The following SYT1 variants were observed in gnomAD, a reference collection of about 807,000 sequenced individuals.
SYT1 encodes the protein synaptotagmin 1.
SYT1 carries 8 observed loss-of-function variants against 44.8 expected under a neutral mutation model. That is an observed-to-expected ratio of 0.18 (90% CI 0.10 to 0.32). SYT1 has a LOEUF of 0.32. Among genes scored for constraint, SYT1 ranks in the 10% least tolerant of loss-of-function variants. SYT1 has a pLI of 1.00. For missense variants in SYT1, 286 were observed against 509.3 expected, an observed-to-expected ratio of 0.56 and a Z score of 4.22; for synonymous variants, 154 against 188.8, an observed-to-expected ratio of 0.82 and a Z score of 1.51.
chr12:79,051,590 T>A (rs1204595888), intron 3 of SYT1, among the ~76,000 whole-genome samples: 1 of 151,538 alleles, frequency 6.6e-6, no homozygotes, highest in Non-Finnish European at 1.5e-5. Flanking sequence ...AACTAGATAA[T>A]AATAATATGT....
intron 3 of SYT1, among the ~76,000 whole-genome samples, chr12:79,079,639 T>C (rs1369003637): frequency 6.6e-6 from 1 of 152,116 alleles, no homozygotes; most frequent in African/African-American, 2.4e-5. Flanking sequence ...TTTTCTTTCA[T>C]TGTAGCAATG....
At chr12:78,945,950 TATCC>T (rs747439803) in intron 1 of SYT1, among the ~76,000 whole-genome samples, 44 of 152,246 alleles carry the variant, frequency 2.9e-4, no homozygotes, top group Admixed American at 6.5e-4. Context: ...TAGTTCAAAA[TATCC>T]AGTTTCCTCT....
At chr12:79,204,959 CTT>C (rs35259216) in intron 3 of SYT1, among the ~76,000 whole-genome samples, 2 of 2,220 alleles carry the variant, frequency 9.0e-4, no homozygotes, top group East Asian at 0.022. Flanking sequence ...CCTGTTGTAA[CTT>C]TTTTTTTTTT....
chr12:79,447,879 A>G (rs1433783590), intron 10 of SYT1, among the ~76,000 whole-genome samples: 5 of 152,164 alleles, frequency 3.3e-5, no homozygotes, highest in African/African-American at 7.2e-5. Flanking sequence ...TATAAAGTCC[A>G]CTAAAGGGCC....
chr12:79,059,046 G>A (rs1875175762), intron 3 of SYT1, among the ~76,000 whole-genome samples: 1 of 151,956 alleles, frequency 6.6e-6, no homozygotes, highest in Non-Finnish European at 1.5e-5. Context: ...CACATAGCTG[G>A]GGAGGCCTCA....
intron 2 of SYT1, among the ~76,000 whole-genome samples, chr12:79,043,516 G>A (rs1873753983): frequency 6.6e-6 from 1 of 150,476 alleles, no homozygotes; most frequent in Non-Finnish European, 1.5e-5. Flanking sequence ...GAGCCTATGT[G>A]TGTCTCTGCA....
At chr12:79,017,325 T>G (rs1015851651) in intron 2 of SYT1, among the ~76,000 whole-genome samples, 9 of 152,148 alleles carry the variant, frequency 5.9e-5, no homozygotes, top group African/African-American at 2.2e-4. Context: ...TAATTAATCA[T>G]AGTCTTTGTC....
intron 2 of SYT1, among the ~76,000 whole-genome samples, chr12:79,015,130 G>A (rs1871718979): frequency 6.6e-6 from 1 of 151,838 alleles, no homozygotes; most frequent in African/African-American, 2.4e-5. Context: ...GTTAATGGGT[G>A]CAGCACACCA....
intron 1 of SYT1, chr12:78,955,658 T>C (rs1879171566): frequency 6.6e-6 from 1 of 152,124 alleles, no homozygotes; most frequent in Non-Finnish European, 1.5e-5. Context: ...ATGCCATTTT[T>C]GGAGACACAA....
intron 4 of SYT1, among the ~76,000 whole-genome samples, chr12:79,260,695 T>C (rs996950792): frequency 1.3e-5 from 2 of 152,220 alleles, no homozygotes; most frequent in African/African-American, 2.4e-5. Context: ...CCCCATCCAG[T>C]AATAAAAATC....
chr12:79,368,768 G>A, intron 9 of SYT1, among the ~76,000 whole-genome samples: 1 of 95,534 alleles, frequency 1.0e-5, no homozygotes, highest in South Asian at 3.5e-4. Flanking sequence ...TTGTAAATTT[G>A]TTTGAGTTCA....
rs948180493 is a variant in SYT1, at chr12:79,450,262, C to T, written c.*1138C>T. 26 of 152,626 alleles carry T rather than the reference C, an allele frequency of 1.7e-4. No individual in the cohort carries two copies. The highest frequency in any genetic ancestry group is 6.3e-4 in the African/African-American group (26 of 41,550). The allele number at this position is 152,626 out of a possible 1,614,324, so 9.5% of individuals were successfully genotyped here. A position where few individuals can be genotyped will look rare whatever the true frequency, so the allele number is the denominator to read the frequency against. On this transcript the variant is annotated 3_prime_UTR_variant, in exon 11 of 11. Coordinates refer to ENST00000261205, the MANE Select transcript of SYT1 (RefSeq NM_005639.3). ...TGTGGTAAACAGACAGTATTGTAAT[C>T]CCATCAAAAGATGAAAGAAAAACAA...
At chr12:79,041,938 C>T (rs1356075744) in intron 2 of SYT1, among the ~76,000 whole-genome samples, 1 of 152,058 alleles carries the variant, frequency 6.6e-6, no homozygotes, top group Non-Finnish European at 1.5e-5. Flanking sequence ...TATTGATTTG[C>T]ATATATTGAA....
intron 1 of SYT1, among the ~76,000 whole-genome samples, chr12:78,906,629 C>A (rs899834844): frequency 3.3e-5 from 5 of 152,062 alleles, no homozygotes; most frequent in Non-Finnish European, 7.4e-5. Flanking sequence ...GAAGTCCTGG[C>A]CTCTTGTGGA....
chr12:78,880,653 T>C (rs1443498642), intron 1 of SYT1, among the ~76,000 whole-genome samples: 2 of 151,522 alleles, frequency 1.3e-5, no homozygotes, highest in Non-Finnish European at 3.0e-5. Context: ...TCTCATCCAA[T>C]GAAAAAAATA....
chr12:79,415,243 T>C (rs1204385020), intron 9 of SYT1, among the ~76,000 whole-genome samples: 1 of 152,176 alleles, frequency 6.6e-6, no homozygotes, highest in East Asian at 1.9e-4. Flanking sequence ...AAGTGTTGCA[T>C]GTGCATCCTT....
intron 9 of SYT1, among the ~76,000 whole-genome samples, chr12:79,428,573 G>A (rs1869585169): frequency 6.6e-6 from 1 of 152,166 alleles, no homozygotes; most frequent in East Asian, 1.9e-4. Context: ...ATGTATATGT[G>A]AAACTTCTTG....
chr12:79,347,171 G>T (rs1157669032), intron 8 of SYT1, among the ~76,000 whole-genome samples: 1 of 151,706 alleles, frequency 6.6e-6, no homozygotes, highest in Admixed American at 6.6e-5. Context: ...AAGGAATATA[G>T]CTCACAGAGA....
At position 79,355,625 on chromosome 12, in the gene SYT1, A is replaced by T. The variant is rs551918523; in HGVS notation, c.928+2006A>T. On this transcript the variant is annotated intron_variant, in intron 9 of 10. Coordinates refer to ENST00000261205, the MANE Select transcript of SYT1 (RefSeq NM_005639.3). ...ATATGTCCAGCCTATGTCATGCCAT[A>T]TCTCATTTTCACCAAATTGACCAAC... is the stretch of plus-strand genomic sequence containing the variant. Among the ~76,000 whole-genome samples the T allele has an allele frequency of 4.6e-5, 7 of 152,288 alleles. No individual in the cohort carries two copies. In the East Asian group the frequency reaches 1.4e-3, roughly 29 times the overall value.
Sources: gnomAD v4.1 joint callset for allele counts (sites outside exome capture counted in the v4.1 genomes callset) on GRCh38, gnomAD v4.1.1 for gene constraint, MANE v1.5 for transcripts, NCBI Gene and HGNC (gene_info 2026-07-23, HGNC 2026-07-21) for gene names.